The following STK3 variants were observed in gnomAD, a reference collection of about 807,000 sequenced individuals.
The protein encoded by STK3 is serine/threonine kinase 3.
Under a neutral mutation model 58.0 loss-of-function variants are expected in STK3, and 41 were observed. The ratio of observed to expected loss-of-function variants is 0.71; its 90% CI spans 0.55 to 0.92. The LOEUF (loss-of-function observed/expected upper bound fraction) is 0.92. STK3 is among the 40% of genes least tolerant of loss of function. The pLI is 0.00. For missense variants in STK3, 479 were observed against 602.7 expected (o/e 0.79, Z 2.15); for synonymous variants, 170 against 191.0 (o/e 0.89, Z 0.91).
At chr8:98,419,744 A>G (rs944986947) in intron 3 of STK3, among the ~76,000 whole-genome samples, 1 of 152,172 alleles carries the variant, frequency 6.6e-6, no homozygotes, top group African/African-American at 2.4e-5. Flanking sequence ...CCCAGTTTCT[A>G]TGATCTGCTT....
At chr8:98,630,485 A>T (rs1819099405) in intron 6 of STK3, among the ~76,000 whole-genome samples, 2 of 152,036 alleles carry the variant, frequency 1.3e-5, no homozygotes. Context: ...CCACAAAAAA[A>T]TTTTAAAAAT....
intron 10 of STK3, among the ~76,000 whole-genome samples, chr8:98,510,399 C>G (rs1282525536): frequency 6.6e-6 from 1 of 152,002 alleles, no homozygotes; most frequent in African/African-American, 2.4e-5. Flanking sequence ...CAAACAGCCC[C>G]CTGCTCCCTA....
intron 3 of STK3, among the ~76,000 whole-genome samples, chr8:98,759,587 A>C (rs184508857): frequency 2.0e-3 from 306 of 152,330 alleles, no homozygotes; most frequent in Middle Eastern, 6.8e-3. Context: ...ACTATTGGAA[A>C]AATGGTGCTG....
chr8:98,581,689 C>T (rs1813896963), intron 7 of STK3, among the ~76,000 whole-genome samples: 1 of 151,264 alleles, frequency 6.6e-6, no homozygotes, highest in Non-Finnish European at 1.5e-5. Context: ...TAGTTTGTGT[C>T]CAATGTTGTT....
At chr8:98,732,898 C>T (rs1033349765) in intron 4 of STK3, among the ~76,000 whole-genome samples, 3 of 152,046 alleles carry the variant, frequency 2.0e-5, no homozygotes, top group Non-Finnish European at 4.4e-5. Flanking sequence ...AGAAAAAACT[C>T]CCAGAAACAG....
intron 3 of STK3, among the ~76,000 whole-genome samples, chr8:98,421,281 C>T (rs1239408205): frequency 6.6e-6 from 1 of 152,140 alleles, no homozygotes; most frequent in Non-Finnish European, 1.5e-5. Context: ...GGAGAGGGAG[C>T]TTCTGGGTCC....
chr8:98,913,906 G>T (rs1006611115), intron 1 of STK3, among the ~76,000 whole-genome samples: 7 of 152,128 alleles, frequency 4.6e-5, no homozygotes, highest in African/African-American at 1.7e-4. Context: ...TTTTCTCATC[G>T]CAAAAACACG....
intron 2 of STK3, among the ~76,000 whole-genome samples, chr8:98,770,190 A>C (rs1340234665): frequency 6.6e-6 from 1 of 151,942 alleles, no homozygotes; most frequent in Non-Finnish European, 1.5e-5. Flanking sequence ...GACTCTATCT[A>C]CCTCCTGAGG....
intron 2 of STK3, among the ~76,000 whole-genome samples, chr8:98,378,850 C>A (rs1817702543): frequency 6.6e-6 from 1 of 152,196 alleles, no homozygotes; most frequent in Non-Finnish European, 1.5e-5. Context: ...CATGAAGCAT[C>A]TCTTCACCAG....
At chr8:98,903,747 T>C (rs1022649439) in intron 1 of STK3, among the ~76,000 whole-genome samples, 1 of 152,070 alleles carries the variant, frequency 6.6e-6, no homozygotes. Context: ...TAATGTTGCA[T>C]TATAAAGTCC....
intron 4 of STK3, among the ~76,000 whole-genome samples, chr8:98,715,889 C>G (rs972850069): frequency 2.6e-5 from 4 of 152,128 alleles, no homozygotes; most frequent in Admixed American, 1.3e-4. Flanking sequence ...ACCCAAATGT[C>G]CAACAATGAT....
chr8:98,839,104 TG>T (rs1433022814), intron 3 of STK3, among the ~76,000 whole-genome samples: 1 of 151,560 alleles, frequency 6.6e-6, no homozygotes, highest in Non-Finnish European at 1.5e-5. Flanking sequence ...TGGAGTCCAG[TG>T]GTGTGATTTC....
intron 6 of STK3, among the ~76,000 whole-genome samples, chr8:98,700,011 G>A (rs953790933): frequency 1.3e-4 from 20 of 152,346 alleles, no homozygotes; most frequent in African/African-American, 4.6e-4. Context: ...GCTGTGGTGG[G>A]CTCTACCCAG....
At chr8:98,381,158 A>AC (rs1950512700) in intron 1 of STK3, among the ~76,000 whole-genome samples, 1 of 151,540 alleles carries the variant, frequency 6.6e-6, no homozygotes. Flanking sequence ...TTTAGTAGAG[A>AC]CGGGGTTTCA....
intron 3 of STK3, among the ~76,000 whole-genome samples, chr8:98,394,917 G>A (rs551314519): frequency 6.6e-6 from 1 of 152,314 alleles, no homozygotes; most frequent in African/African-American, 2.4e-5. Flanking sequence ...GTGAGCAGCA[G>A]GGATCCTGTC....
chr8:98,470,945 A>C (rs1464507881), intron 10 of STK3, among the ~76,000 whole-genome samples: 2 of 152,244 alleles, frequency 1.3e-5, no homozygotes, highest in African/African-American at 4.8e-5. Context: ...TAAAAGTGGA[A>C]GCAGTACAAC....
At chr8:98,370,693 T>C (rs1817601704), downstream of STK3, among the ~76,000 whole-genome samples, 3 of 152,194 alleles carry the variant, frequency 2.0e-5, no homozygotes, top group Non-Finnish European at 4.4e-5. Context: ...ATTACCTCTC[T>C]TGTTCTTGGA....
chr8:98,344,707 A>G, the STK3 span, among the ~76,000 whole-genome samples: 4 of 151,410 alleles, frequency 2.6e-5, no homozygotes, highest in Non-Finnish European at 5.9e-5. Context: ...TCCCGGCTAA[A>G]ACGGTGAAAC....
intron 7 of STK3, among the ~76,000 whole-genome samples, chr8:98,580,853 T>C (rs934316739): frequency 1.3e-5 from 2 of 152,090 alleles, no homozygotes; most frequent in African/African-American, 4.8e-5. Context: ...GAAGAAGAAA[T>C]AGATACTTGA....
Sources: gnomAD v4.1 joint callset for allele counts (sites outside exome capture counted in the v4.1 genomes callset) on GRCh38, gnomAD v4.1.1 for gene constraint, MANE v1.5 for transcripts, NCBI Gene and HGNC (gene_info 2026-07-23, HGNC 2026-07-21) for gene names.